LRRC49: variants seen among roughly 807,000 people sequenced by gnomAD.
The protein encoded by LRRC49 is leucine-rich repeat-containing protein 49.
LRRC49 carries 50 observed loss-of-function variants against 83.3 expected under a neutral mutation model. That is an observed-to-expected ratio of 0.60 (90% CI 0.48 to 0.76). LRRC49 has a LOEUF of 0.76. Among genes scored for constraint, LRRC49 ranks in the 30% least tolerant of loss-of-function variants. The probability of loss-of-function intolerance (pLI) is 0.00; values close to 1 mark genes in which losing one functional copy is unlikely to be tolerated. For missense variants in LRRC49, 704 were observed against 809.1 expected, an observed-to-expected ratio of 0.87 and a Z score of 1.58; for synonymous variants, 286 against 283.3, an observed-to-expected ratio of 1.01 and a Z score of -0.10.
chr15:70,937,733 G>C (rs537052235), intron 8 of LRRC49, among the ~76,000 whole-genome samples: 1 of 152,104 alleles, frequency 6.6e-6, no homozygotes, highest in East Asian at 1.9e-4. Context: ...GTCTCTAAAA[G>C]ACAGAAATTA....
At chr15:70,909,876 A>ACACG (rs2034479538) in intron 5 of LRRC49, among the ~76,000 whole-genome samples, 1 of 151,422 alleles carries the variant, frequency 6.6e-6, no homozygotes, top group Non-Finnish European at 1.5e-5. Flanking sequence ...ACACACACAC[A>ACACG]CAAAACAAAC....
intron 7 of LRRC49, among the ~76,000 whole-genome samples, chr15:70,925,757 T>C (rs2035172127): frequency 6.6e-6 from 1 of 152,192 alleles, no homozygotes; most frequent in Non-Finnish European, 1.5e-5. Flanking sequence ...ATGGACATTA[T>C]TAGTTGAAAA....
chr15:70,994,180 G>T (rs555360970), intron 11 of LRRC49, among the ~76,000 whole-genome samples: 75 of 151,890 alleles, frequency 4.9e-4, no homozygotes, highest in African/African-American at 1.8e-3. Flanking sequence ...GTTAGATAAG[G>T]GTCTAACTTG....
intron 14 of LRRC49, among the ~76,000 whole-genome samples, chr15:71,026,078 C>T (rs2039160320): frequency 1.3e-5 from 2 of 152,036 alleles, no homozygotes; most frequent in South Asian, 2.1e-4. Context: ...GCCCCCCACC[C>T]CCTGACAGGC....
chr15:71,009,920 T>A lies in LRRC49; in HGVS notation c.1521T>A (p.Asn507Lys). 1.2e-6 allele frequency: 2 copies of A among 1,612,178 alleles called. No individual in the cohort carries two copies. The highest frequency in any genetic ancestry group is 8.5e-7 in the Non-Finnish European group (1 of 1,178,566). Residue 507 changes from asparagine (N) to lysine (K), a missense_variant, in exon 13 of 16, where the codon AAT becomes AAA. Around this residue, in one of 3 missense-constraint regions of LRRC49, gnomAD observed 275 missense variants for 338.0 expected, o/e 0.81. Coordinates refer to ENST00000260382, the MANE Select transcript of LRRC49 (RefSeq NM_017691.5). ...TIDPQGNPVV[N>K]FTLWKYYVLF... ...ATCCTCAAGGAAATCCAGTTGTCAA[T>A]TTTACACTCTGGAAATACTATGTAC...
At chr15:71,027,619 A>G (rs912050918) in intron 14 of LRRC49, among the ~76,000 whole-genome samples, 2 of 148,694 alleles carry the variant, frequency 1.3e-5, no homozygotes, top group East Asian at 4.0e-4. Flanking sequence ...CTTATTTCCT[A>G]TTTGATTATT....
Position 71,007,722 on chromosome 15 carries a change from TATATATA to T in LRRC49, c.1170-656_1170-650del, listed in dbSNP as rs1241568069. ...TATGAGAAGCATGTATATATATATA[TATATATA>T]TATATATATATAGTGTGTATATATA... On this transcript the variant is annotated intron_variant, in intron 11 of 15. Transcript: ENST00000260382. Among the ~76,000 whole-genome samples, 4 of 146,520 alleles carry T rather than the reference TATATATA, an allele frequency of 2.7e-5. No homozygotes were observed. The Admixed American group carries it at 2.7e-4, about 10-fold the overall frequency.
At chr15:70,993,765 A>G (rs554947366) in intron 11 of LRRC49, among the ~76,000 whole-genome samples, 1 of 152,138 alleles carries the variant, frequency 6.6e-6, no homozygotes. Context: ...TTCAGTTTCA[A>G]GTTTATCCAA....
intron 11 of LRRC49, among the ~76,000 whole-genome samples, chr15:70,994,099 G>A (rs184737608): frequency 2.8e-4 from 43 of 152,196 alleles, no homozygotes; most frequent in Admixed American, 7.2e-4. Flanking sequence ...CTCCTGCCTC[G>A]GCTTCCCAAA....
intron 2 of LRRC49, among the ~76,000 whole-genome samples, chr15:70,878,966 A>G (rs2033208229): frequency 6.6e-6 from 1 of 152,166 alleles, no homozygotes; most frequent in African/African-American, 2.4e-5. Flanking sequence ...AACTCATGAG[A>G]TGGGAAGTGT....
chr15:70,853,834 C>A, intron 1 of LRRC49: 5 of 1,185,952 alleles, frequency 4.2e-6, no homozygotes, highest in East Asian at 6.9e-5. Flanking sequence ...CCCGAACTCG[C>A]GCGCGGCCCG....
At chr15:70,974,714 G>C (rs1482070517) in intron 9 of LRRC49, among the ~76,000 whole-genome samples, 1 of 145,852 alleles carries the variant, frequency 6.9e-6, no homozygotes, top group Non-Finnish European at 1.5e-5. Flanking sequence ...TGTTTTCAAA[G>C]CATTGTAAAA....
intron 2 of LRRC49, among the ~76,000 whole-genome samples, chr15:70,884,730 T>C (rs1310629106): frequency 1.3e-5 from 2 of 152,188 alleles, no homozygotes; most frequent in African/African-American, 4.8e-5. Flanking sequence ...CAAAAAGGTG[T>C]ATTCTGGATA....
intron 7 of LRRC49, among the ~76,000 whole-genome samples, chr15:70,935,127 C>T (rs2035550883): frequency 6.6e-6 from 1 of 152,164 alleles, no homozygotes; most frequent in South Asian, 2.1e-4. Context: ...AATTTGGCTG[C>T]CCTCCTGTTT....
At chr15:71,013,018 T>C (rs192260344) in intron 14 of LRRC49, 105 bp downstream of exon 14, 10 of 715,252 alleles carry the variant, frequency 1.4e-5, no homozygotes, top group Admixed American at 1.0e-4. Context: ...TCCATAAACA[T>C]GTATCCTAGA....
At chr15:70,950,814 T>C (rs780492254) in intron 8 of LRRC49, among the ~76,000 whole-genome samples, 2 of 152,196 alleles carry the variant, frequency 1.3e-5, no homozygotes, top group Non-Finnish European at 2.9e-5. Flanking sequence ...TTTGAAGACT[T>C]AGTCATAAAT....
chr15:70,921,149 G>A (rs62019097), intron 7 of LRRC49, among the ~76,000 whole-genome samples: 12,923 of 152,180 alleles, frequency 0.085, 606 homozygotes, highest in African/African-American at 0.11. Flanking sequence ...GTAAGTTCTT[G>A]AATCCCACAC....
At chr15:70,918,054 C>T (rs2141131406) in intron 6 of LRRC49, among the ~76,000 whole-genome samples, 1 of 152,356 alleles carries the variant, frequency 6.6e-6, no homozygotes, top group South Asian at 2.1e-4. Context: ...ACTGTGTTCT[C>T]AGTGCCAGCT....
At chr15:70,986,486 T>C (rs1284642430) in intron 11 of LRRC49, among the ~76,000 whole-genome samples, 1 of 152,230 alleles carries the variant, frequency 6.6e-6, no homozygotes, top group Non-Finnish European at 1.5e-5. Flanking sequence ...ATTGATTTTG[T>C]ATCCTGAGAC....
Sources: gnomAD v4.1 joint callset for allele counts (sites outside exome capture counted in the v4.1 genomes callset) on GRCh38, gnomAD v4.1.1 for gene constraint, gnomAD v4.1.1 regional missense constraint, MANE v1.5 for transcripts, NCBI Gene and HGNC (gene_info 2026-07-23, HGNC 2026-07-21) for gene names.